The following SOX5 variants were observed in gnomAD, a reference collection of about 807,000 sequenced individuals.
SOX5 encodes SRY-box transcription factor 5.
SOX5 carries 9 observed loss-of-function variants against 92.0 expected under a neutral mutation model. The observed-to-expected ratio is 0.10, with a 90% confidence interval of 0.06 to 0.17. SOX5 has a LOEUF of 0.17. Among genes scored for constraint, SOX5 ranks in the 10% least tolerant of loss-of-function variants. SOX5 has a pLI of 1.00. For missense variants in SOX5, 642 were observed against 944.5 expected, an observed-to-expected ratio of 0.68 and a Z score of 4.20; for synonymous variants, 344 against 336.3, an observed-to-expected ratio of 1.02 and a Z score of -0.25.
At chr12:23,841,387 A>T (rs2096512990) in intron 3 of SOX5, among the ~76,000 whole-genome samples, 1 of 152,090 alleles carries the variant, frequency 6.6e-6, no homozygotes, top group South Asian at 2.1e-4. Flanking sequence ...ACTTTGGAAG[A>T]TAGTCTGGCA....
At chr12:23,581,784 T>C (rs1950070616) in intron 9 of SOX5, among the ~76,000 whole-genome samples, 1 of 152,052 alleles carries the variant, frequency 6.6e-6, no homozygotes, top group African/African-American at 2.4e-5. Context: ...TAAGTGGAAG[T>C]GTGTGTGTGT....
At chr12:23,605,952 T>C (rs2075204284) in intron 8 of SOX5, among the ~76,000 whole-genome samples, 1 of 152,026 alleles carries the variant, frequency 6.6e-6, no homozygotes, top group Non-Finnish European at 1.5e-5. Context: ...TTGGAATAAT[T>C]ACATCTTTTC....
intron 4 of SOX5, among the ~76,000 whole-genome samples, chr12:24,190,297 G>A (rs1483292545): frequency 2.0e-5 from 3 of 152,136 alleles, no homozygotes; most frequent in South Asian, 2.1e-4. Flanking sequence ...ACTTTTGGAC[G>A]CATACATATA....
chr12:23,578,147 A>AAAAAAAAC, intron 9 of SOX5, among the ~76,000 whole-genome samples: 1 of 134,748 alleles, frequency 7.4e-6, no homozygotes. Flanking sequence ...AAAAAAAAAA[A>AAAAAAAAC]AAACTATAGG....
chr12:24,003,369 T>C (rs1005083848), intron 4 of SOX5, among the ~76,000 whole-genome samples: 90 of 151,972 alleles, frequency 5.9e-4, no homozygotes, highest in African/African-American at 2.0e-3. Flanking sequence ...GATGTAAAAC[T>C]GTCTTTCTTC....
intron 6 of SOX5, among the ~76,000 whole-genome samples, chr12:23,702,249 AGAAGGTT>A (rs899737451): frequency 1.1e-3 from 168 of 152,218 alleles, no homozygotes; most frequent in African/African-American, 4.0e-3. Context: ...GGTGAAGATG[AGAAGGTT>A]GACTCTTGCA....
intron 1 of SOX5, among the ~76,000 whole-genome samples, chr12:24,390,786 G>A (rs1039152858): frequency 2.0e-5 from 3 of 152,082 alleles, no homozygotes; most frequent in African/African-American, 7.2e-5. Context: ...TCTGTGGCAT[G>A]TGTACATATG....
intron 2 of SOX5, among the ~76,000 whole-genome samples, chr12:23,860,958 A>AGC (rs2096748885): frequency 1.2e-5 from 1 of 81,498 alleles, no homozygotes; most frequent in African/African-American, 3.1e-5. Context: ...TTTGTAAAAA[A>AGC]AAAAAAAAAA....
At chr12:24,130,457 T>C (rs1275068858) in intron 4 of SOX5, among the ~76,000 whole-genome samples, 2 of 140,138 alleles carry the variant, frequency 1.4e-5, no homozygotes, top group African/African-American at 5.3e-5. Context: ...ATAAATCTAA[T>C]CCTGCTCAAA....
At chr12:24,462,319 T>A (rs1019594721) in intron 1 of SOX5, among the ~76,000 whole-genome samples, 3 of 152,202 alleles carry the variant, frequency 2.0e-5, no homozygotes, top group South Asian at 2.1e-4. Context: ...AGTATTATAA[T>A]CTTATGGGAC....
At chr12:24,200,625 C>G (rs1268590482) in intron 4 of SOX5, among the ~76,000 whole-genome samples, 1 of 152,068 alleles carries the variant, frequency 6.6e-6, no homozygotes, top group African/African-American at 2.4e-5. Context: ...AAATCTCATT[C>G]AAAGTATTCT....
chr12:24,046,018 CCT>C (rs1400512658), intron 4 of SOX5, among the ~76,000 whole-genome samples: 2 of 152,128 alleles, frequency 1.3e-5, no homozygotes, highest in Non-Finnish European at 2.9e-5. Flanking sequence ...CGGTTTGCCC[CCT>C]CTGTCTCTCA....
chr12:24,244,395 C>T (rs1938184479), intron 3 of SOX5, among the ~76,000 whole-genome samples: 1 of 152,224 alleles, frequency 6.6e-6, no homozygotes, highest in African/African-American at 2.4e-5. Flanking sequence ...GGTCTTCTTT[C>T]AGCCCCTCCT....
intron 4 of SOX5, among the ~76,000 whole-genome samples, chr12:24,005,115 T>C (rs1274017607): frequency 6.6e-6 from 1 of 151,996 alleles, no homozygotes; most frequent in Non-Finnish European, 1.5e-5. Context: ...AGGTATCTTT[T>C]TGAGGATGAT....
At chr12:23,933,529 C>T (rs752919014) in intron 1 of SOX5, among the ~76,000 whole-genome samples, 44 of 151,598 alleles carry the variant, frequency 2.9e-4, no homozygotes, top group Non-Finnish European at 3.0e-5. Context: ...TGTAAAGTTA[C>T]CTTATCTGCT....
intron 4 of SOX5, among the ~76,000 whole-genome samples, chr12:24,003,160 A>G (rs1347138017): frequency 6.6e-6 from 1 of 152,098 alleles, no homozygotes; most frequent in African/African-American, 2.4e-5. Flanking sequence ...AACTGTCTTA[A>G]CACTATAAAG....
intron 5 of SOX5, among the ~76,000 whole-genome samples, chr12:23,740,102 A>G (rs965120380): frequency 6.6e-6 from 1 of 152,208 alleles, no homozygotes; most frequent in African/African-American, 2.4e-5. Context: ...TTCTCTGTAA[A>G]TAACCTAAGA....
intron 2 of SOX5, among the ~76,000 whole-genome samples, chr12:24,314,481 G>T (rs570168772): frequency 6.6e-6 from 1 of 151,586 alleles, no homozygotes; most frequent in Non-Finnish European, 1.5e-5. Flanking sequence ...TAACCTGCAC[G>T]TTATGCACAT....
At chr12:24,138,130 C>T (rs943969729) in intron 4 of SOX5, among the ~76,000 whole-genome samples, 6 of 152,210 alleles carry the variant, frequency 3.9e-5, no homozygotes, top group Non-Finnish European at 7.3e-5. Flanking sequence ...CATTCTTAAA[C>T]ATAAACTTTT....
Sources: gnomAD v4.1 joint callset for allele counts (sites outside exome capture counted in the v4.1 genomes callset) on GRCh38, gnomAD v4.1.1 for gene constraint, MANE v1.5 for transcripts, NCBI Gene and HGNC (gene_info 2026-07-23, HGNC 2026-07-21) for gene names.